NPSR1: variants seen among roughly 807,000 people sequenced by gnomAD.
The protein encoded by NPSR1 is neuropeptide S receptor 1.
In NPSR1, 48 loss-of-function variants were observed where a neutral mutation model predicts 46.9. That is an observed-to-expected ratio of 1.02 (90% CI 0.81 to 1.30). The LOEUF is 1.30. NPSR1 is among the 50% of genes most tolerant of loss of function. NPSR1 has a pLI of 0.00. For missense variants in NPSR1, 450 were observed against 449.5 expected (o/e 1.00, Z -0.01); for synonymous variants, 176 against 168.1 (o/e 1.05, Z -0.36).
chr7:34,829,619 G>A (rs569398191), intron 5 of NPSR1, among the ~76,000 whole-genome samples: 3 of 152,212 alleles, frequency 2.0e-5, no homozygotes, highest in South Asian at 4.2e-4. Context: ...CAAAGTCCCC[G>A]CTCAGCAGAG....
rs139445602 is a variant in NPSR1 at position 34,692,578 on chromosome 7, C to T, written c.280+7894C>T. Among the ~76,000 whole-genome samples, 89 of 152,148 alleles carry T rather than the reference C, an allele frequency of 5.8e-4. 1 individual carries two copies. Among genetic ancestry groups the T allele is most frequent in the African/African-American group, 1.9e-3 (78 of 41,522 alleles). On this transcript the variant is annotated intron_variant, in intron 2 of 8. Coordinates refer to ENST00000360581, the MANE Select transcript of NPSR1 (RefSeq NM_207172.2). ...TTCTAAGAGAAAAGTTTATAGAATT[C>T]AATGCTTACACTAAAAGATAGAAAG... is the stretch of plus-strand genomic sequence containing the variant.
At chr7:34,755,072 T>C (rs1785756375) in intron 2 of NPSR1, among the ~76,000 whole-genome samples, 1 of 152,250 alleles carries the variant, frequency 6.6e-6, no homozygotes, top group African/African-American at 2.4e-5. Context: ...CTCTTAGGAA[T>C]AAAATGCTGC....
chr7:34,849,065 A>C (rs780735815), intron 8 of NPSR1, among the ~76,000 whole-genome samples: 1 of 152,242 alleles, frequency 6.6e-6, no homozygotes, highest in Non-Finnish European at 1.5e-5. Context: ...ATGAATAATT[A>C]GCAGAGCTGA....
intron 2 of NPSR1, among the ~76,000 whole-genome samples, chr7:34,717,260 G>C (rs908297227): frequency 6.6e-6 from 1 of 152,160 alleles, no homozygotes; most frequent in Non-Finnish European, 1.5e-5. Flanking sequence ...AGCCTCCCGA[G>C]TAGCTTCGAT....
At chr7:34,847,467 C>T (rs1423507491) in intron 7 of NPSR1, among the ~76,000 whole-genome samples, 1 of 151,992 alleles carries the variant, frequency 6.6e-6, no homozygotes, top group Non-Finnish European at 1.5e-5. Flanking sequence ...GCTGAGAATT[C>T]CCAAGCTGCA....
intron 1 of NPSR1, among the ~76,000 whole-genome samples, chr7:34,664,141 T>C (rs1420870906): frequency 6.6e-6 from 1 of 152,176 alleles, no homozygotes; most frequent in African/African-American, 2.4e-5. Flanking sequence ...CCAAGTAAAC[T>C]CAGGCTTTTG....
At chr7:34,699,873 G>A (rs1269513790) in intron 2 of NPSR1, among the ~76,000 whole-genome samples, 1 of 152,158 alleles carries the variant, frequency 6.6e-6, no homozygotes, top group Non-Finnish European at 1.5e-5. Context: ...GTAGCAAAAG[G>A]TGGGGTGGGG....
chr7:34,675,470 A>C (rs1583783307), intron 1 of NPSR1, among the ~76,000 whole-genome samples: 2 of 152,230 alleles, frequency 1.3e-5, no homozygotes, highest in South Asian at 2.1e-4. Context: ...ATTTCCTGAG[A>C]TAATTCCCAT....
chr7:34,706,085 T>C (rs929284296), intron 2 of NPSR1, among the ~76,000 whole-genome samples: 1 of 152,140 alleles, frequency 6.6e-6, no homozygotes, highest in African/African-American at 2.4e-5. Context: ...CTCCATTTAA[T>C]TCTGGTATTT....
At chr7:34,792,643 A>ATATATATGTATATATATTTT (rs1554331457) in intron 3 of NPSR1, among the ~76,000 whole-genome samples, 1 of 91,514 alleles carries the variant, frequency 1.1e-5, no homozygotes, top group Non-Finnish European at 2.3e-5. Context: ...GTGTATGTGT[A>ATATATATGTATATATATTTT]TATATATATG....
intron 2 of NPSR1, among the ~76,000 whole-genome samples, chr7:34,697,448 A>G (rs1307351835): frequency 6.6e-6 from 1 of 151,902 alleles, no homozygotes; most frequent in Non-Finnish European, 1.5e-5. Flanking sequence ...ATATAGAGTT[A>G]TTCCCCAGTA....
In NPSR1 at chr7:34,704,885, T is replaced by G. The variant is rs549025053; in HGVS notation, c.280+20201T>G. Reference sequence around the variant, plus strand: ...TATCAGTTATGAACCAAGTTCTGGGTTTGTTGGGCTAATTGCTATGGTGGT... The same window carrying G: ...TATCAGTTATGAACCAAGTTCTGGGGTTGTTGGGCTAATTGCTATGGTGGT... On this transcript the variant is annotated intron_variant, in intron 2 of 8. Transcript: ENST00000360581. Among the ~76,000 whole-genome samples the G allele has an allele frequency of 7.9e-5, 12 of 152,244 alleles. No homozygotes were observed. The South Asian group carries it at 2.3e-3, about 29-fold the overall frequency.
intron 2 of NPSR1, among the ~76,000 whole-genome samples, chr7:34,745,650 C>T (rs1310195304): frequency 1.3e-5 from 2 of 152,142 alleles, no homozygotes; most frequent in Non-Finnish European, 2.9e-5. Flanking sequence ...TCCCAAGTAG[C>T]TGGAACTATA....
chr7:34,677,292 G>A (rs1489869067), intron 1 of NPSR1, among the ~76,000 whole-genome samples: 1 of 152,122 alleles, frequency 6.6e-6, no homozygotes, highest in Non-Finnish European at 1.5e-5. Flanking sequence ...GAACTTTGCT[G>A]CCAGAGTCAT....
At chr7:34,874,844 T>C (rs1791539844) in intron 8 of NPSR1, among the ~76,000 whole-genome samples, 1 of 152,210 alleles carries the variant, frequency 6.6e-6, no homozygotes, top group Non-Finnish European at 1.5e-5. Flanking sequence ...TTCCCCTTTC[T>C]GGACTTACTG....
chr7:34,791,090 A>ATAT (rs1264398950), intron 3 of NPSR1, among the ~76,000 whole-genome samples: 4 of 118,828 alleles, frequency 3.4e-5, no homozygotes, highest in East Asian at 2.1e-4. Flanking sequence ...TATATGTTAT[A>ATAT]TATATTATAT....
intron 1 of NPSR1, among the ~76,000 whole-genome samples, chr7:34,664,616 T>TA (rs781560805): frequency 4.9e-4 from 71 of 145,058 alleles, no homozygotes; most frequent in East Asian, 3.4e-3. Context: ...TTCTTTTTTT[T>TA]AAAAAAAAAA....
chr7:34,765,710 A>G (rs1190139797), intron 2 of NPSR1, among the ~76,000 whole-genome samples: 1 of 152,260 alleles, frequency 6.6e-6, no homozygotes, highest in African/African-American at 2.4e-5. Context: ...AAAATGGAAT[A>G]CTATGCAGTC....
intron 2 of NPSR1, among the ~76,000 whole-genome samples, chr7:34,737,860 C>A (rs959204538): frequency 3.3e-5 from 5 of 152,178 alleles, no homozygotes; most frequent in African/African-American, 1.2e-4. Context: ...ACACGGATGA[C>A]CCCTGAAGTG....
Sources: gnomAD v4.1 joint callset for allele counts (sites outside exome capture counted in the v4.1 genomes callset) on GRCh38, gnomAD v4.1.1 for gene constraint, MANE v1.5 for transcripts, NCBI Gene and HGNC (gene_info 2026-07-23, HGNC 2026-07-21) for gene names.